Variants in SAYSD1 observed in about 807,000 individuals in gnomAD.
SAYSD1 encodes SAYSVFN motif domain containing 1, also known as SAYSvFN domain-containing protein 1.
A neutral mutation model predicts 14.5 loss-of-function variants in SAYSD1; 15 were observed. The observed-to-expected ratio is 1.03, with a 90% CI of 0.69 to 1.59. The LOEUF (loss-of-function observed/expected upper bound fraction) is 1.59. Among genes scored for constraint, SAYSD1 ranks in the 40% most tolerant of loss-of-function variants. The probability of loss-of-function intolerance (pLI) is 0.00; values close to 1 mark genes in which losing one functional copy is unlikely to be tolerated. For synonymous variants in SAYSD1, 105 were observed against 102.6 expected (o/e 1.02, Z -0.14); for missense variants, 247 against 227.3 (o/e 1.09, Z -0.56).
At chr6:39,112,200 T>C in intron 1 of SAYSD1, 1 of 152,388 alleles carries the variant, frequency 6.6e-6, no homozygotes, top group East Asian at 1.9e-4. Flanking sequence ...ATTGAAATTG[T>C]TAAAGAAATG....
chr6:39,107,720 A>G (rs1178589330), intron 1 of SAYSD1, among the ~76,000 whole-genome samples: 3 of 152,204 alleles, frequency 2.0e-5, no homozygotes, highest in South Asian at 2.1e-4. Context: ...ATTATCAGCC[A>G]CATCCCTGAC....
intron 1 of SAYSD1, chr6:39,111,745 G>A (rs1437264481): frequency 6.6e-6 from 1 of 152,112 alleles, no homozygotes; most frequent in African/African-American, 2.4e-5. Flanking sequence ...TCTTTCATGT[G>A]AAAAGTCACT....
At chr6:39,109,994 C>T (rs1769595935) in intron 1 of SAYSD1, among the ~76,000 whole-genome samples, 1 of 152,196 alleles carries the variant, frequency 6.6e-6, no homozygotes, top group African/African-American at 2.4e-5. Context: ...GAACAGGTTT[C>T]TCCACATGGC....
chr6:39,105,418 A>G lies in SAYSD1; in HGVS notation c.*14T>C. On this transcript the variant is annotated 3_prime_UTR_variant, in exon 2 of 2. Coordinates refer to ENST00000229903, the MANE Select transcript of SAYSD1 (RefSeq NM_018322.3). The stretch of plus-strand genomic sequence containing the variant: ...CCACATCAGAGGTTAGCTGCATGAC[A>G]GCACAGCTGGGTCCTATCTCCCTGC... 6.2e-7 allele frequency: 1 copy of G among 1,609,962 alleles called. No homozygotes were observed. Among genetic ancestry groups the G allele is most frequent in the African/African-American group, 1.3e-5 (1 of 74,942 alleles).
intron 1 of SAYSD1, among the ~76,000 whole-genome samples, chr6:39,106,230 T>C (rs1562027332): frequency 6.7e-6 from 1 of 150,246 alleles, no homozygotes; most frequent in Non-Finnish European, 1.5e-5. Context: ...ACAAAAATCC[T>C]TTTTACGTTT....
rs1259846241 is a variant in SAYSD1 at position 39,104,188 on chromosome 6, T to C, written c.*1244A>G. ...TTTCTGTGAGATAGAACAGACCATC[T>C]GCTTGACCGGATGGCTCTGAGGGAC... On this transcript the variant is annotated 3_prime_UTR_variant, in exon 2 of 2. Coordinates refer to ENST00000229903, the MANE Select transcript of SAYSD1 (RefSeq NM_018322.3). The C allele has an allele frequency of 6.6e-6, 1 of 152,096 alleles. No individual in the cohort carries two copies. 9.4% of individuals were successfully genotyped at this position (152,096 alleles called of 1,614,324 possible).
In SAYSD1 at chr6:39,110,328, C is replaced by A. The variant is rs576219154; in HGVS notation, c.208-4552G>T. On this transcript the variant is annotated intron_variant, in intron 1 of 1. Coordinates refer to ENST00000229903, the MANE Select transcript of SAYSD1 (RefSeq NM_018322.3). ...GTATTCCTTCATCTGTGGATGAACA[C>A]GACTGCTTTACATTTGGCCTGTGCC... The A allele has an allele frequency of 3.5e-5, 7 of 200,688 alleles. No homozygotes were observed. The East Asian group carries it at 7.9e-4, about 23-fold the overall frequency. 12.4% of individuals were successfully genotyped at this position (200,688 alleles called of 1,614,324 possible). A position where few individuals can be genotyped will look rare whatever the true frequency, so the allele number is the denominator to read the frequency against.
At chr6:39,112,025 AACTG>A (rs1163685187) in intron 1 of SAYSD1, 1 of 152,236 alleles carries the variant, frequency 6.6e-6, no homozygotes, top group Non-Finnish European at 1.5e-5. Context: ...GAACAGCTTA[AACTG>A]ACTATCGGAT....
chr6:39,109,797 T>C (rs1769591730), intron 1 of SAYSD1: 1 of 174,326 alleles, frequency 5.7e-6, no homozygotes, highest in Admixed American at 6.5e-5. Context: ...GCATATTCCA[T>C]AGTGTATCTG....
chr6:39,107,052 T>G (rs1018258866), intron 1 of SAYSD1, among the ~76,000 whole-genome samples: 6 of 152,238 alleles, frequency 3.9e-5, no homozygotes, highest in African/African-American at 1.4e-4. Flanking sequence ...AAAAACATTT[T>G]TAATAGGGAA....
At chr6:39,107,759 CT>C (rs1240843765) in intron 1 of SAYSD1, among the ~76,000 whole-genome samples, 3 of 152,170 alleles carry the variant, frequency 2.0e-5, no homozygotes, top group African/African-American at 7.2e-5. Context: ...AAAGAAATGT[CT>C]GTTTCAGATT....
chr6:39,108,023 G>A (rs1228153669), intron 1 of SAYSD1, among the ~76,000 whole-genome samples: 2 of 152,216 alleles, frequency 1.3e-5, no homozygotes, highest in Non-Finnish European at 2.9e-5. Context: ...CCTAGCAAGA[G>A]AGAGCCAGAC....
chr6:39,109,255 G>A lies in SAYSD1; in HGVS notation c.208-3479C>T, dbSNP rs551092159. ...GGGCAGGGTGGTGTGCTGGGGGCTT[G>A]CCTGGGATATGGCTGGAGAGGGAAG... On this transcript the variant is annotated intron_variant, in intron 1 of 1. Transcript: ENST00000229903. The A allele has an allele frequency of 1.0e-5, 15 of 1,477,548 alleles. No individual in the cohort carries two copies. In the African/African-American group the frequency reaches 1.1e-4, roughly 11 times the overall value. The allele number at this position is 1,477,548 out of a possible 1,614,324, so 91.5% of individuals were successfully genotyped here. A position where few individuals can be genotyped will look rare whatever the true frequency, so the allele number is the denominator to read the frequency against.
At position 39,105,697 on chromosome 6, in the gene SAYSD1, G is replaced by T; in HGVS notation, c.287C>A (p.Ser96Tyr). Residue 96 changes from serine to tyrosine, a missense_variant, in exon 2 of 2, where the codon TCT (serine) becomes TAT (tyrosine). By Grantham distance (144) the Ser-to-Tyr change is moderately radical. Coordinates refer to ENST00000229903, the MANE Select transcript of SAYSD1 (RefSeq NM_018322.3). ...CAAGAAGGTGATATTGGTCAGGAAA[G>T]ACTGGTCCCAGCACGACGGCAGAGG... ...AIPLPSCWDQ[S>Y]FLTNITFLKV... The T allele has an allele frequency of 1.2e-6, 2 of 1,614,234 alleles. No homozygotes were observed. The highest frequency in any genetic ancestry group is 2.7e-5 in the African/African-American group (2 of 75,064).
At chr6:39,106,283 T>C (rs566501667) in intron 1 of SAYSD1, among the ~76,000 whole-genome samples, 2 of 150,586 alleles carry the variant, frequency 1.3e-5, no homozygotes, top group Non-Finnish European at 1.5e-5. Flanking sequence ...ATCCCAGCAC[T>C]TTGGGAGGCT....
chr6:39,105,567 T>G lies in SAYSD1; in HGVS notation c.417A>C (p.Arg139=). 6.2e-7 allele frequency: 1 copy of G among 1,614,134 alleles called. No homozygotes were observed. The highest frequency in any genetic ancestry group is 8.5e-7 in the Non-Finnish European group (1 of 1,179,990). ...CTCCCTCTTTCTTCTCTTCAGGGCC[T>G]CGTGTCCCGACGTACATCCAATAGA... ...SLFYWMYVGT[R]GPEEKKEGEK... Residue 139 remains arginine (R), a synonymous_variant, in exon 2 of 2, where the codon CGA becomes CGC. Transcript: ENST00000229903.
chr6:39,106,374 G>A (rs1323349401), intron 1 of SAYSD1, among the ~76,000 whole-genome samples: 5 of 151,972 alleles, frequency 3.3e-5, no homozygotes, highest in African/African-American at 9.6e-5. Context: ...CTAAAAATAC[G>A]AAAATTAGCC....
rs1452775253 is a variant in SAYSD1, at chr6:39,104,968, A to T, written c.*464T>A. Reference sequence around the variant, plus strand: ...AAGAATTAAAGCAGGAAGCAAAACAAAAACAAACAAGAAACCCAAAACTTG... The same window carrying T: ...AAGAATTAAAGCAGGAAGCAAAACATAAACAAACAAGAAACCCAAAACTTG... On this transcript the variant is annotated 3_prime_UTR_variant, in exon 2 of 2. Transcript: ENST00000229903. 6.5e-6 allele frequency: 1 copy of T among 154,332 alleles called. No individual in the cohort carries two copies. Among genetic ancestry groups the T allele is most frequent in the Non-Finnish European group, 1.4e-5 (1 of 69,648 alleles). 9.6% of individuals were successfully genotyped at this position (154,332 alleles called of 1,614,324 possible).
chr6:39,106,029 G>A (rs905468840), intron 1 of SAYSD1, among the ~76,000 whole-genome samples: 7 of 152,158 alleles, frequency 4.6e-5, no homozygotes, highest in African/African-American at 9.7e-5. Flanking sequence ...ATTCTTATTC[G>A]TGGGAGTCAT....
Sources: allele counts gnomAD v4.1 joint callset (sites outside exome capture counted in the v4.1 genomes callset), GRCh38; gene constraint gnomAD v4.1.1; transcripts MANE v1.5; gene names NCBI Gene and HGNC (gene_info 2026-07-23, HGNC 2026-07-21).